Variants in DOCK10 observed in about 807,000 individuals in gnomAD.
The protein encoded by DOCK10 is dedicator of cytokinesis protein 10.
In DOCK10, 145 loss-of-function variants were observed where a neutral mutation model predicts 280.1. The ratio of observed to expected loss-of-function variants is 0.52; its 90% CI spans 0.45 to 0.59. The LOEUF (loss-of-function observed/expected upper bound fraction) is 0.59. Among genes scored for constraint, DOCK10 ranks in the 20% least tolerant of loss-of-function variants. The pLI is 0.00. For synonymous variants in DOCK10, 915 were observed against 942.2 expected (o/e 0.97, Z 0.53); for missense variants, 2,368 against 2,651.7 (o/e 0.89, Z 2.35).
At chr2:224,918,931 TATGTGTGGTGTGA>T (rs1318710618) in intron 2 of DOCK10, among the ~76,000 whole-genome samples, 1 of 146,024 alleles carries the variant, frequency 6.8e-6, no homozygotes, top group Non-Finnish European at 1.5e-5. Context: ...GTGTGGTGTG[TATGTGTGGTGTGA>T]ATGTGTGTGG....
At chr2:224,890,233 G>A (rs1409545741) in intron 4 of DOCK10, among the ~76,000 whole-genome samples, 19 of 152,152 alleles carry the variant, frequency 1.2e-4, no homozygotes, top group Admixed American at 1.2e-3. Flanking sequence ...AATTTTGTAG[G>A]TATTTGTTCT....
At chr2:224,848,632 G>A (rs535227242) in intron 19 of DOCK10, among the ~76,000 whole-genome samples, 1 of 152,290 alleles carries the variant, frequency 6.6e-6, no homozygotes, top group South Asian at 2.1e-4. Flanking sequence ...GAATTACTGT[G>A]GGGATTAAGG....
In DOCK10 at chr2:224,809,948, T is replaced by C. The variant is rs561357648; in HGVS notation, c.3410-1862A>G. ...AGGTGACCATCTATAGATGAATGGA[T>C]TAAAAATGGTATATACATACGATGG... On this transcript the variant is annotated intron_variant, in intron 31 of 55. Coordinates refer to ENST00000258390, the MANE Select transcript of DOCK10 (RefSeq NM_014689.3). Among the ~76,000 whole-genome samples, 12 of 142,770 alleles carry C rather than the reference T, an allele frequency of 8.4e-5. No homozygotes were observed. In the East Asian group the frequency reaches 2.4e-3, roughly 29 times the overall value. 93.7% of individuals were successfully genotyped at this position (142,770 alleles called of 152,430 possible). A position where few individuals can be genotyped will look rare whatever the true frequency, so the allele number is the denominator to read the frequency against.
intron 28 of DOCK10, among the ~76,000 whole-genome samples, chr2:224,821,133 A>G (rs1185070707): frequency 6.6e-6 from 1 of 152,236 alleles, no homozygotes; most frequent in Non-Finnish European, 1.5e-5. Flanking sequence ...TTGCTGAAAA[A>G]ATATTACTTT....
intron 2 of DOCK10, among the ~76,000 whole-genome samples, chr2:224,929,927 G>A (rs969874705): frequency 3.9e-5 from 6 of 152,118 alleles, no homozygotes; most frequent in East Asian, 1.9e-4. Flanking sequence ...AAGGCTGGAC[G>A]TGGTGGCTCA....
At chr2:224,998,359 G>A (rs1706330701) in intron 1 of DOCK10, among the ~76,000 whole-genome samples, 2 of 152,196 alleles carry the variant, frequency 1.3e-5, no homozygotes, top group South Asian at 4.2e-4. Flanking sequence ...CAGGAGCATC[G>A]GGGTTTTCTT....
chr2:224,823,600 G>T lies in DOCK10; in HGVS notation c.3084C>A (p.Asp1028Glu), dbSNP rs781013630. The stretch of plus-strand genomic sequence containing the variant: ...GGTCGGATAGGACCATGACAAGATT[G>T]TCCAATTCATTTTGGTAAGATTCAG... Reference protein sequence around the residue: ...RFPESYQNELDNLVMVLSDHV... With the variant: ...RFPESYQNELENLVMVLSDHV... Residue 1028 changes from aspartate (D) to glutamate (E), a missense_variant, in exon 28 of 56, where the codon GAC becomes GAA. By Grantham distance (45) the Asp-to-Glu change is conservative. This residue lies in a region of DOCK10 where 1,209 missense variants were observed against 1,250.9 expected (regional missense o/e 0.97). Coordinates refer to ENST00000258390, the MANE Select transcript of DOCK10 (RefSeq NM_014689.3). 3 of 1,605,394 alleles carry T rather than the reference G, an allele frequency of 1.9e-6. No homozygotes were observed. Among genetic ancestry groups the T allele is most frequent in the Non-Finnish European group, 2.5e-6 (3 of 1,177,258 alleles).
intron 1 of DOCK10, among the ~76,000 whole-genome samples, chr2:224,976,061 C>T (rs1346082578): frequency 1.3e-5 from 2 of 152,162 alleles, no homozygotes; most frequent in African/African-American, 4.8e-5. Context: ...CCATGTGAGC[C>T]TGCCGACCTG....
intron 1 of DOCK10, among the ~76,000 whole-genome samples, chr2:224,982,879 A>G (rs531959671): frequency 6.6e-6 from 1 of 152,148 alleles, no homozygotes; most frequent in African/African-American, 2.4e-5. Context: ...TTTACTTTTC[A>G]TAGCTCATAA....
At chr2:224,767,144 T>C (rs1690118980) in intron 55 of DOCK10, among the ~76,000 whole-genome samples, 1 of 150,624 alleles carries the variant, frequency 6.6e-6, no homozygotes, top group Admixed American at 6.6e-5. Context: ...GGAGCACTGA[T>C]ATAATCTGAA....
chr2:224,775,907 T>C (rs951099300), intron 51 of DOCK10, among the ~76,000 whole-genome samples: 10 of 152,280 alleles, frequency 6.6e-5, no homozygotes, highest in Non-Finnish European at 1.3e-4. Flanking sequence ...GGGAGATTCC[T>C]TGTTTAATTT....
intron 2 of DOCK10, among the ~76,000 whole-genome samples, chr2:224,921,163 A>G (rs113108283): frequency 0.24 from 31,241 of 131,720 alleles, 4,448 homozygotes; most frequent in Non-Finnish European, 0.29. Flanking sequence ...ATAGCCGGGC[A>G]TGGTGGCGGG....
intron 11 of DOCK10, among the ~76,000 whole-genome samples, chr2:224,871,513 T>C (rs945546012): frequency 1.8e-4 from 28 of 152,192 alleles, no homozygotes; most frequent in African/African-American, 6.5e-4. Flanking sequence ...CTTTAAACCA[T>C]TGAATAGCTT....
rs142615726 is a variant in DOCK10, at chr2:224,767,815, T to G, written c.6445-1978A>C. Reference sequence around the variant, plus strand: ...ACTCTCACTTCTAGTGTTCGGCTATTGAGCAGACAGCAGCCAAATCTGGGT... The same window carrying G: ...ACTCTCACTTCTAGTGTTCGGCTATGGAGCAGACAGCAGCCAAATCTGGGT... On this transcript the variant is annotated intron_variant, in intron 55 of 55. Transcript: ENST00000258390. Among the ~76,000 whole-genome samples the G allele has an allele frequency of 3.5e-4, 53 of 152,372 alleles. 1 individual carries two copies. Among genetic ancestry groups the G allele is most frequent in the African/African-American group, 1.2e-3 (48 of 41,598 alleles).
chr2:224,918,549 TGTGA>T (rs1277003163), intron 2 of DOCK10, among the ~76,000 whole-genome samples: 5 of 142,588 alleles, frequency 3.5e-5, no homozygotes, highest in African/African-American at 1.0e-4. Flanking sequence ...TGTGTATATG[TGTGA>T]GTGTGTGTGG....
In DOCK10 at chr2:224,787,386, C is replaced by T. The variant is rs762073306; in HGVS notation, c.5430G>A (p.Val1810=). Residue 1810 remains valine (V), a synonymous_variant, in exon 49 of 56, where the codon GTG becomes GTA. Transcript: ENST00000258390. ...ACTCCACACACATGTATAGCTGCTC[C>T]ACCAGGATATTCTGCAATTCCCCCA... The part of the protein sequence containing the change: ...QDTPYNENIL[V]EQLYMCVEFL... 1 of 1,613,910 alleles carries T rather than the reference C, an allele frequency of 6.2e-7. No individual in the cohort carries two copies. Among genetic ancestry groups the T allele is most frequent in the Non-Finnish European group, 8.5e-7 (1 of 1,179,848 alleles).
intron 1 of DOCK10, among the ~76,000 whole-genome samples, chr2:224,986,430 G>A (rs988209287): frequency 6.6e-6 from 1 of 152,110 alleles, no homozygotes; most frequent in Admixed American, 6.6e-5. Flanking sequence ...TTATGGAAAG[G>A]CTAAGAGTTT....
chr2:224,817,716 T>C (rs940059662), intron 29 of DOCK10, among the ~76,000 whole-genome samples: 1 of 152,192 alleles, frequency 6.6e-6, no homozygotes, highest in Admixed American at 6.5e-5. Context: ...ATGAAGAATA[T>C]ACTTTCAAAA....
At chr2:224,899,384 C>T (rs1375650811) in intron 3 of DOCK10, among the ~76,000 whole-genome samples, 3 of 152,090 alleles carry the variant, frequency 2.0e-5, no homozygotes, top group East Asian at 1.9e-4. Flanking sequence ...CTAGGTTACC[C>T]GGAGTTGCTC....
Sources: gnomAD v4.1 joint callset for allele counts (sites outside exome capture counted in the v4.1 genomes callset) on GRCh38, gnomAD v4.1.1 for gene constraint, gnomAD v4.1.1 regional missense constraint, MANE v1.5 for transcripts, NCBI Gene and HGNC (gene_info 2026-07-23, HGNC 2026-07-21) for gene names.